Variants in CPS1 observed in about 807,000 individuals in gnomAD.
CPS1 encodes carbamoyl-phosphate synthase 1.
In CPS1, 109 loss-of-function variants were observed where a neutral mutation model predicts 174.6. The ratio of observed to expected loss-of-function variants is 0.62; its 90% confidence interval spans 0.53 to 0.73. The LOEUF (loss-of-function observed/expected upper bound fraction) is 0.73, where lower values mean the gene tolerates loss of function less well. Ranked by LOEUF, CPS1 falls within the 30% of genes least tolerant of loss-of-function variation. The pLI, the probability that CPS1 is intolerant of heterozygous loss-of-function variation, is 0.00. For missense variants in CPS1, 1,689 were observed against 1,821.9 expected (o/e 0.93, Z 1.33); for synonymous variants, 637 against 632.0 (o/e 1.01, Z -0.12).
chr2:210,500,526 G>C (rs973604480), intron 1 of CPS1, among the ~76,000 whole-genome samples: 2 of 152,078 alleles, frequency 1.3e-5, no homozygotes, highest in Non-Finnish European at 2.9e-5. Context: ...CAAAACAAAG[G>C]GTCTACAGTC....
At chr2:210,600,752 G>T (rs370113309) in intron 15 of CPS1, 40 bp downstream of exon 15, 2 of 1,604,400 alleles carry the variant, frequency 1.2e-6, no homozygotes, top group African/African-American at 1.3e-5. Context: ...GGCATTATTT[G>T]TCTTGTGTTG....
At chr2:210,634,635 T>C (rs553390379) in intron 21 of CPS1, among the ~76,000 whole-genome samples, 2 of 152,188 alleles carry the variant, frequency 1.3e-5, no homozygotes, top group South Asian at 4.1e-4. Context: ...TGTGCACACT[T>C]CTCCCACAGC....
intron 14 of CPS1, among the ~76,000 whole-genome samples, 158 bp downstream of exon 14, chr2:210,599,719 T>C (rs191578519): frequency 8.6e-4 from 131 of 152,070 alleles, no homozygotes; most frequent in African/African-American, 3.1e-3. Flanking sequence ...AATATAGTCA[T>C]ATGATGAATA....
In CPS1 at chr2:210,559,709, A is replaced by G. The variant is rs969457243; in HGVS notation, c.126+2850A>G. Among the ~76,000 whole-genome samples the G allele has an allele frequency of 6.9e-4, 105 of 152,140 alleles. 1 individual carries two copies. Among genetic ancestry groups the G allele is most frequent in the Non-Finnish European group, 5.3e-4 (36 of 68,008 alleles). On this transcript the variant is annotated intron_variant, in intron 1 of 37. Transcript: ENST00000233072. ...GATATACTCTGGATTGGGCACAAAA[A>G]GATCTGGAATCTAACCCCTGTTATG...
chr2:210,570,070 G>C (rs1459705901), intron 1 of CPS1, among the ~76,000 whole-genome samples: 1 of 151,962 alleles, frequency 6.6e-6, no homozygotes, highest in Non-Finnish European at 1.5e-5. Context: ...TCTTTGTTCA[G>C]TGTTTGTCCA....
chr2:210,482,363 A>G (rs771702055), intron 1 of CPS1, among the ~76,000 whole-genome samples: 13 of 150,810 alleles, frequency 8.6e-5, no homozygotes, highest in Non-Finnish European at 1.3e-4. Flanking sequence ...CTGGAGTGCA[A>G]TGGTGCGATC....
At chr2:210,550,132 A>C (rs961407621) in intron 1 of CPS1, among the ~76,000 whole-genome samples, 1 of 152,044 alleles carries the variant, frequency 6.6e-6, no homozygotes, top group African/African-American at 2.4e-5. Context: ...GTATTACCTT[A>C]TCATTTATTT....
intron 1 of CPS1, among the ~76,000 whole-genome samples, chr2:210,523,477 C>T (rs1361723885): frequency 6.6e-6 from 1 of 151,854 alleles, no homozygotes. Context: ...AACAATTTCT[C>T]CTCTCTCACC....
intron 1 of CPS1, among the ~76,000 whole-genome samples, chr2:210,490,831 C>G (rs1347614420): frequency 2.0e-5 from 3 of 152,152 alleles, no homozygotes; most frequent in African/African-American, 7.2e-5. Flanking sequence ...TCTTGAAAAT[C>G]TCAGTTTATA....
intron 30 of CPS1, chr2:210,658,258 A>G: frequency 1.2e-5 from 4 of 337,490 alleles, no homozygotes; most frequent in Non-Finnish European, 1.2e-5. Flanking sequence ...TAGAGGTTGG[A>G]CTGCAGTTTC....
Position 210,556,640 on chromosome 2 carries a change from C to A in CPS1, c.-94C>A, listed in dbSNP as rs1000487811. ...TCAGCCTTAAACACTGACTGCACCC[C>A]TCCCAGATTTCTTTTACATTAACTA... On this transcript the variant is annotated 5_prime_UTR_variant, in exon 1 of 38. Transcript: ENST00000233072. The A allele has an allele frequency of 3.5e-5, 55 of 1,572,560 alleles. No homozygotes were observed. In the South Asian group the frequency reaches 5.5e-4, roughly 16 times the overall value.
chr2:210,652,660 C>G (rs1700593146), intron 28 of CPS1, among the ~76,000 whole-genome samples: 1 of 151,924 alleles, frequency 6.6e-6, no homozygotes, highest in African/African-American at 2.4e-5. Context: ...TATTTTTTAA[C>G]CTTTTGAATG....
chr2:210,661,027 G>C (rs575653122), intron 32 of CPS1, among the ~76,000 whole-genome samples: 1 of 152,180 alleles, frequency 6.6e-6, no homozygotes, highest in African/African-American at 2.4e-5. Context: ...TTGTAAAAAG[G>C]GTTAGCCTGT....
intron 16 of CPS1, chr2:210,604,852 G>T: frequency 2.1e-6 from 1 of 469,732 alleles, no homozygotes; most frequent in Non-Finnish European, 3.9e-6. Context: ...AAATTAGTTT[G>T]ATTTACTGTC....
intron 1 of CPS1, among the ~76,000 whole-genome samples, chr2:210,512,725 C>T (rs1695531175): frequency 1.8e-5 from 2 of 108,926 alleles, no homozygotes; most frequent in Non-Finnish European, 3.7e-5. Flanking sequence ...CATACATATC[C>T]TCCAGTAGTT....
At chr2:210,663,009 T>C in intron 32 of CPS1, 114 bp from the exon 33 acceptor site, 1 of 1,026,880 alleles carries the variant, frequency 9.7e-7, no homozygotes, top group South Asian at 1.4e-5. Context: ...ACATGTCTAC[T>C]GTAGCCTAAG....
chr2:210,511,059 C>T (rs1031917439), intron 1 of CPS1, among the ~76,000 whole-genome samples: 9 of 152,134 alleles, frequency 5.9e-5, no homozygotes, highest in African/African-American at 1.9e-4. Flanking sequence ...ATAAATCATG[C>T]TGCTATAAAG....
chr2:210,509,662 G>C (rs1282839688), intron 1 of CPS1, among the ~76,000 whole-genome samples: 1 of 152,186 alleles, frequency 6.6e-6, no homozygotes, highest in Middle Eastern at 3.2e-3. Context: ...TCCTTAAGCT[G>C]ATAGGCAACT....
chr2:210,505,864 C>T lies in CPS1; in HGVS notation c.3+28098C>T, dbSNP rs61317396. Among the ~76,000 whole-genome samples the T allele has an allele frequency of 8.6e-4, 131 of 152,284 alleles. 1 individual carries two copies. In the East Asian group the frequency reaches 0.022, roughly 26 times the overall value. ...GGAGGGGCACCTGCCATTGCTGAGG[C>T]TTGAGTATGTAAAAAAAGCACAGGG... On this transcript the variant is annotated intron_variant, in intron 1 of 38. Transcript: ENST00000430249.
Sources: gnomAD v4.1 joint callset for allele counts (sites outside exome capture counted in the v4.1 genomes callset) on GRCh38, gnomAD v4.1.1 for gene constraint, MANE v1.5 for transcripts, NCBI Gene and HGNC (gene_info 2026-07-23, HGNC 2026-07-21) for gene names.